Variants in EP400 observed in about 807,000 individuals in gnomAD.
EP400 encodes the protein E1A binding protein p400, also known as E1A-binding protein p400.
EP400 carries 105 observed loss-of-function variants against 354.1 expected under a neutral mutation model. The ratio of observed to expected loss-of-function variants is 0.30; its 90% CI spans 0.25 to 0.35. The LOEUF (loss-of-function observed/expected upper bound fraction) is 0.35, where lower values mean the gene tolerates loss of function less well. Among genes scored for constraint, EP400 ranks in the 10% least tolerant of loss-of-function variants. The pLI, the probability that EP400 is intolerant of heterozygous loss-of-function variation, is 1.00. For synonymous variants in EP400, 1,646 were observed against 1,716.9 expected (o/e 0.96, Z 1.02); for missense variants, 3,280 against 4,121.0 (o/e 0.80, Z 5.59).
intron 48 of EP400, chr12:132,065,191 T>C (rs1895850165): frequency 4.1e-6 from 2 of 489,524 alleles, no homozygotes; most frequent in Non-Finnish European, 3.7e-6. Flanking sequence ...TGAGGGACCC[T>C]GCAGGGACCA....
chr12:131,988,863 C>T (rs1892945260), intron 7 of EP400, among the ~76,000 whole-genome samples: 1 of 152,192 alleles, frequency 6.6e-6, no homozygotes, highest in Non-Finnish European at 1.5e-5. Context: ...GCCCTGTCCA[C>T]TCCGTACCCA....
At chr12:132,072,892 T>G (rs2136622373) in intron 51 of EP400, among the ~76,000 whole-genome samples, 1 of 152,376 alleles carries the variant, frequency 6.6e-6, no homozygotes, top group East Asian at 1.9e-4. Context: ...TCTTACTGTC[T>G]TCAGTAATAT....
At chr12:131,996,821 C>T (rs952036104) in intron 12 of EP400, among the ~76,000 whole-genome samples, 2 of 151,974 alleles carry the variant, frequency 1.3e-5, no homozygotes, top group African/African-American at 4.8e-5. Context: ...TGTTTTCTTT[C>T]CTTATTGACT....
At position 132,076,550 on chromosome 12, in the gene EP400, C is replaced by T. The variant is rs1330309259; in HGVS notation, c.9056C>T (p.Thr3019Ile). The stretch of plus-strand genomic sequence containing the variant: ...CTTCCTCAAGTTGTTCAACAGCAAA[C>T]ACCCGTGGCCAGCATCCAGCAAGTT... ...AKLPQVVQQQ[T>I]PVASIQQVAS... The change falls in exon 52 of 53, where the codon ACA (threonine) becomes ATA (isoleucine). Residue 3019 changes from threonine to isoleucine, a missense_variant. Thr to Ile is a moderately conservative substitution (Grantham distance 89). Coordinates refer to ENST00000389561, the MANE Select transcript of EP400 (RefSeq NM_015409.5). 1 of 1,613,810 alleles carries T rather than the reference C, an allele frequency of 6.2e-7. No individual in the cohort carries two copies.
rs2136549279 is a variant in EP400, at chr12:132,025,875, A to G, written c.5014+71A>G. Reference sequence around the variant, plus strand: ...TCTCTTCCATCTAAGGCGAGTGGAAAGCATTCATGTGTCTTTGACTGTATC... The same window carrying G: ...TCTCTTCCATCTAAGGCGAGTGGAAGGCATTCATGTGTCTTTGACTGTATC... On this transcript the variant is annotated intron_variant, in intron 25 of 52. Coordinates refer to ENST00000389561, the MANE Select transcript of EP400 (RefSeq NM_015409.5). This position sits in a 1 kb window ranked among gnomAD's most constrained non-coding sequence, Gnocchi z 4.1. The G allele has an allele frequency of 6.8e-7, 1 of 1,466,574 alleles. No homozygotes were observed. Among genetic ancestry groups the G allele is most frequent in the Middle Eastern group, 1.8e-4 (1 of 5,556 alleles). The allele number at this position is 1,466,574 out of a possible 1,614,324, so 90.8% of individuals were successfully genotyped here. A position where few individuals can be genotyped will look rare whatever the true frequency, so the allele number is the denominator to read the frequency against.
intron 30 of EP400, among the ~76,000 whole-genome samples, chr12:132,032,834 T>C (rs1455996571): frequency 2.0e-5 from 3 of 152,170 alleles, no homozygotes; most frequent in Non-Finnish European, 4.4e-5. Context: ...TTTTACCACA[T>C]TGGCCAGGCC....
At chr12:132,061,441 A>G (rs1051706519) in intron 45 of EP400, among the ~76,000 whole-genome samples, 3 of 152,238 alleles carry the variant, frequency 2.0e-5, no homozygotes, top group African/African-American at 4.8e-5. Flanking sequence ...CTAAAAATAC[A>G]CTGCACTTCG....
Position 132,028,175 on chromosome 12 carries a change from T to C in EP400, c.5268T>C (p.Arg1756=). 6.2e-7 allele frequency: 1 copy of C among 1,614,096 alleles called. No individual in the cohort carries two copies. Among genetic ancestry groups the C allele is most frequent in the Non-Finnish European group, 8.5e-7 (1 of 1,180,024 alleles). ...AGTGGCGTGGGTCCCTGGATGGCCG[T>C]CGTGGGAAGGAGGCCGGGCCAGCGC... The part of the protein sequence containing the change: ...RVQWRGSLDG[R]RGKEAGPAHS... The change falls in exon 27 of 53, where the codon CGT becomes CGC. Residue 1756 remains arginine (R), a synonymous_variant. Coordinates refer to ENST00000389561, the MANE Select transcript of EP400 (RefSeq NM_015409.5).
At chr12:131,966,405 C>T (rs71470354) in intron 2 of EP400, among the ~76,000 whole-genome samples, 1 of 151,574 alleles carries the variant, frequency 6.6e-6, no homozygotes, top group African/African-American at 2.4e-5. Flanking sequence ...CCTGTCTCTG[C>T]TAAAATTGCA....
rs1010024455 is a variant in EP400, at chr12:132,079,439, CTT to C, written c.*1769_*1770del. 1 of 152,272 alleles carries C rather than the reference CTT, an allele frequency of 6.6e-6. No individual in the cohort carries two copies. Among genetic ancestry groups the C allele is most frequent in the Admixed American group, 6.5e-5 (1 of 15,288 alleles). The allele number at this position is 152,272 out of a possible 1,614,324, so 9.4% of individuals were successfully genotyped here. ...CCTCACATCTGGCTCCCAGTGGAAA[CTT>C]TTACTCCTCCTCATCCGCAGATGTG... On this transcript the variant is annotated 3_prime_UTR_variant, in exon 53 of 53. Coordinates refer to ENST00000389561, the MANE Select transcript of EP400 (RefSeq NM_015409.5).
chr12:132,064,674 C>T lies in EP400; in HGVS notation c.8341C>T (p.Leu2781Phe), dbSNP rs1333808077. The T allele has an allele frequency of 6.2e-7, 1 of 1,611,592 alleles. No individual in the cohort carries two copies. The highest frequency in any genetic ancestry group is 8.5e-7 in the Non-Finnish European group (1 of 1,178,154). The part of the protein sequence containing the change: ...KAVGKLTPEH[L>F]IKMQKQKLQM... The stretch of plus-strand genomic sequence containing the variant: ...TACTTTGCTTGTATTTTAGGAACAC[C>T]TCATCAAAATGCAGAAGCAGAAACT... Residue 2781 changes from leucine (L) to phenylalanine (F), a missense_variant, in exon 48 of 53, where the codon CTC becomes TTC. Coordinates refer to ENST00000389561, the MANE Select transcript of EP400 (RefSeq NM_015409.5).
At chr12:131,988,765 C>T (rs993154397) in intron 7 of EP400, among the ~76,000 whole-genome samples, 2 of 152,160 alleles carry the variant, frequency 1.3e-5, no homozygotes, top group African/African-American at 2.4e-5. Flanking sequence ...CTCCTCATTA[C>T]TGTGTCGCTG....
chr12:132,043,798 A>C, intron 34 of EP400, 70 bp downstream of exon 34: 1 of 1,329,326 alleles, frequency 7.5e-7, no homozygotes, highest in African/African-American at 1.5e-5. Flanking sequence ...GATTTGAAGT[A>C]AATGTGACTT....
chr12:132,015,033 C>T (rs1893882285), intron 19 of EP400, among the ~76,000 whole-genome samples: 1 of 152,246 alleles, frequency 6.6e-6, no homozygotes, highest in Non-Finnish European at 1.5e-5. Flanking sequence ...TGCTCTGCAG[C>T]CAGAGGGCGT....
chr12:132,021,426 T>C (rs1347033123), intron 23 of EP400, 105 bp downstream of exon 23: 1 of 1,394,384 alleles, frequency 7.2e-7, no homozygotes, highest in Non-Finnish European at 9.3e-7. Flanking sequence ...CTCCTTTGTC[T>C]TTCCCCAGCC....
intron 23 of EP400, among the ~76,000 whole-genome samples, chr12:132,022,551 C>T (rs1217288771): frequency 6.6e-6 from 1 of 152,058 alleles, no homozygotes; most frequent in African/African-American, 2.4e-5. Context: ...GTCTTTAAAC[C>T]TGTTGTTCAG....
In EP400 at chr12:132,005,704, G is replaced by A. The variant is rs140153021; in HGVS notation, c.2936-408G>A. ...GCCAGCAGGACCAGAGGAAGGAGTG[G>A]CGGGTTTGGTCTCCTCCCGGTTTCC... On this transcript the variant is annotated intron_variant, in intron 13 of 52. Transcript: ENST00000389561. 4.1e-4 allele frequency among the ~76,000 whole-genome samples: 63 copies of A among 152,240 alleles called. 1 individual carries two copies. Among genetic ancestry groups the A allele is most frequent in the African/African-American group, 1.4e-3 (58 of 41,530 alleles).
intron 21 of EP400, 116 bp from the exon 22 acceptor site, chr12:132,019,933 G>A: frequency 9.0e-7 from 1 of 1,116,644 alleles, no homozygotes; most frequent in Non-Finnish European, 1.2e-6. Context: ...CACTCTGGGT[G>A]CTGGTCCCTG....
At position 132,069,690 on chromosome 12, in the gene EP400, G is replaced by A. The variant is rs767385238; in HGVS notation, c.9021+49G>A. The A allele has an allele frequency of 4.4e-6, 7 of 1,604,688 alleles. No individual in the cohort carries two copies. In the Admixed American group the frequency reaches 1.2e-4, roughly 27 times the overall value. On this transcript the variant is annotated intron_variant, in intron 51 of 52. Transcript: ENST00000389561. ...CCCGAGTGTCAGGAGTGGGTGCCCG[G>A]CCTTTGGATTGTGTGTCTCGCGGGC... is the stretch of plus-strand genomic sequence containing the variant.
Sources: allele counts gnomAD v4.1 joint callset (sites outside exome capture counted in the v4.1 genomes callset), GRCh38; gene constraint gnomAD v4.1.1; non-coding constraint Gnocchi (gnomAD v3.1); transcripts MANE v1.5; gene names NCBI Gene and HGNC (gene_info 2026-07-23, HGNC 2026-07-21).